Variants in SNX24 observed in about 807,000 individuals in gnomAD.
SNX24 encodes sorting nexin 24, also known as sorting nexin-24.
A neutral mutation model predicts 28.7 loss-of-function variants in SNX24; 22 were observed. The ratio of observed to expected loss-of-function variants is 0.77; its 90% confidence interval spans 0.55 to 1.10. SNX24 has a LOEUF of 1.10. Among genes scored for constraint, SNX24 ranks in the 50% least tolerant of loss-of-function variants. The pLI is 0.00. For synonymous variants in SNX24, 69 were observed against 71.5 expected (o/e 0.96, Z 0.18); for missense variants, 221 against 201.1 (o/e 1.10, Z -0.60).
Position 122,994,315 on chromosome 5 carries a change from G to A in SNX24, c.250-5597G>A, listed in dbSNP as rs954274015. Among the ~76,000 whole-genome samples the A allele has an allele frequency of 9.8e-5, 15 of 152,286 alleles. No homozygotes were observed. In the South Asian group the frequency reaches 2.1e-3, roughly 21 times the overall value. Reference sequence around the variant, plus strand: ...TGACAATTTTCTAAAATGGAAACTCGTGGGAAATCATTACAGTGTTTATAT... The same window carrying A: ...TGACAATTTTCTAAAATGGAAACTCATGGGAAATCATTACAGTGTTTATAT... On this transcript the variant is annotated intron_variant, in intron 3 of 6. Transcript: ENST00000261369.
intron 1 of SNX24, among the ~76,000 whole-genome samples, chr5:122,846,687 C>T (rs1023174284): frequency 6.6e-6 from 1 of 152,132 alleles, no homozygotes; most frequent in Admixed American, 6.5e-5. Context: ...AAATTACCCT[C>T]TCAAAGGAAG....
intron 5 of SNX24, among the ~76,000 whole-genome samples, chr5:123,015,797 C>T (rs949648381): frequency 4.6e-5 from 7 of 152,114 alleles, no homozygotes; most frequent in South Asian, 2.1e-4. Flanking sequence ...CTAGAAGGAG[C>T]GGGCACAAAA....
intron 3 of SNX24, among the ~76,000 whole-genome samples, chr5:122,993,424 C>G (rs62377422): frequency 6.6e-6 from 1 of 151,628 alleles, no homozygotes; most frequent in Admixed American, 6.6e-5. Flanking sequence ...TCAGCCTCCC[C>G]AGTAGCTGGG....
chr5:122,873,497 G>A (rs10066638), intron 1 of SNX24, among the ~76,000 whole-genome samples: 89,363 of 151,884 alleles, frequency 0.59, 27,146 homozygotes, highest in African/African-American at 0.74. Context: ...TGAAGAGAGG[G>A]CTGGCAGGGA....
chr5:123,008,903 G>A lies in SNX24; in HGVS notation c.*1154G>A, dbSNP rs1762502855. 8 of 984,510 alleles carry A rather than the reference G, an allele frequency of 8.1e-6. No individual in the cohort carries two copies. The highest frequency in any genetic ancestry group is 9.7e-6 in the Non-Finnish European group (8 of 828,750). 61.0% of individuals were successfully genotyped at this position (984,510 alleles called of 1,614,324 possible). A position where few individuals can be genotyped will look rare whatever the true frequency, so the allele number is the denominator to read the frequency against. ...GTGCTGTATGTGGGCATTTCATTGA[G>A]ATCTAATTAATAGCTAGCCTATTTA... On this transcript the variant is annotated 3_prime_UTR_variant, in exon 7 of 7. Transcript: ENST00000261369.
chr5:122,867,977 G>A (rs1030305921), intron 1 of SNX24, among the ~76,000 whole-genome samples: 1 of 152,200 alleles, frequency 6.6e-6, no homozygotes, highest in Non-Finnish European at 1.5e-5. Context: ...ACTGCTTGAA[G>A]TTCTGTCCAC....
chr5:122,893,135 C>A, intron 1 of SNX24, among the ~76,000 whole-genome samples: 1 of 151,162 alleles, frequency 6.6e-6, no homozygotes, highest in South Asian at 2.1e-4. Context: ...TCCTTACTCT[C>A]TTGTATTTCT....
intron 1 of SNX24, among the ~76,000 whole-genome samples, chr5:122,851,137 A>G (rs1754899635): frequency 6.6e-6 from 1 of 152,198 alleles, no homozygotes; most frequent in South Asian, 2.1e-4. Flanking sequence ...ATACAAAAGT[A>G]TGAATGTATT....
chr5:122,964,157 C>T lies in SNX24; in HGVS notation c.249+17998C>T, dbSNP rs539533331. Among the ~76,000 whole-genome samples the T allele has an allele frequency of 4.6e-4, 68 of 147,544 alleles. 1 individual carries two copies. The South Asian group carries it at 0.013, about 29-fold the overall frequency. The stretch of plus-strand genomic sequence containing the variant: ...ACTTGGGAGGCTGAGGCAGGAGAAT[C>T]GCTTGAACCCAGGAGGTGGAGGTTG... On this transcript the variant is annotated intron_variant, in intron 3 of 6. Coordinates refer to ENST00000261369, the MANE Select transcript of SNX24 (RefSeq NM_014035.4).
chr5:123,004,821 C>T (rs895096798), intron 6 of SNX24, among the ~76,000 whole-genome samples: 6 of 152,188 alleles, frequency 3.9e-5, no homozygotes, highest in African/African-American at 1.4e-4. Context: ...ACATTGAATG[C>T]CACGGCTTCA....
At chr5:122,917,255 C>CA (rs57417496) in intron 1 of SNX24, among the ~76,000 whole-genome samples, 1,503 of 79,428 alleles carry the variant, frequency 0.019, 27 homozygotes, top group African/African-American at 0.055. Context: ...GACTTCATCT[C>CA]AAAAAAAAAA....
At chr5:123,021,107 C>CA (rs1029152354) in intron 5 of SNX24, among the ~76,000 whole-genome samples, 3 of 150,388 alleles carry the variant, frequency 2.0e-5, no homozygotes, top group African/African-American at 7.3e-5. Flanking sequence ...ACACAGTTCC[C>CA]CCCCCGTCCC....
intron 3 of SNX24, among the ~76,000 whole-genome samples, chr5:122,994,973 T>C (rs963954035): frequency 2.0e-5 from 3 of 152,220 alleles, no homozygotes; most frequent in Non-Finnish European, 4.4e-5. Context: ...AACAGTTCTT[T>C]CATTTAACCC....
At chr5:123,006,013 A>C (rs1415707902) in intron 6 of SNX24, among the ~76,000 whole-genome samples, 1 of 152,228 alleles carries the variant, frequency 6.6e-6, no homozygotes, top group African/African-American at 2.4e-5. Flanking sequence ...TTTTTAAAAC[A>C]GCCTATAAGG....
In SNX24 at chr5:122,997,010, T is replaced by C. The variant is rs1762074033; in HGVS notation, c.250-2902T>C. Among the ~76,000 whole-genome samples, 3 of 152,194 alleles carry C rather than the reference T, an allele frequency of 2.0e-5. No homozygotes were observed. In the South Asian group the frequency reaches 6.2e-4, roughly 32 times the overall value. ...ACTGAAGAAGTTGTAAATGGAACAG[T>C]TGTGAGGTCCAGCCTTACTGTTCAG... On this transcript the variant is annotated intron_variant, in intron 3 of 6. Coordinates refer to ENST00000261369, the MANE Select transcript of SNX24 (RefSeq NM_014035.4).
chr5:122,925,089 C>T (rs1758623949), intron 1 of SNX24, among the ~76,000 whole-genome samples: 3 of 138,302 alleles, frequency 2.2e-5, no homozygotes, highest in Non-Finnish European at 3.1e-5. Flanking sequence ...CCTCTTCCCT[C>T]TCCTCCTTCC....
intron 1 of SNX24, among the ~76,000 whole-genome samples, chr5:122,877,243 G>A (rs578116346): frequency 2.6e-5 from 4 of 152,282 alleles, no homozygotes; most frequent in African/African-American, 7.2e-5. Context: ...GTATTTCTCC[G>A]ATCTGCATTA....
At chr5:122,977,935 G>A (rs1761237301) in intron 3 of SNX24, among the ~76,000 whole-genome samples, 1 of 152,098 alleles carries the variant, frequency 6.6e-6, no homozygotes, top group African/African-American at 2.4e-5. Flanking sequence ...TTTAGTCTCA[G>A]CCAAATATTT....
At chr5:122,929,563 C>T (rs1758856552) in intron 1 of SNX24, among the ~76,000 whole-genome samples, 1 of 152,240 alleles carries the variant, frequency 6.6e-6, no homozygotes. Flanking sequence ...TGCACCAAAT[C>T]ATAGTACATT....
Sources: gnomAD v4.1 joint callset for allele counts (sites outside exome capture counted in the v4.1 genomes callset) on GRCh38, gnomAD v4.1.1 for gene constraint, MANE v1.5 for transcripts, NCBI Gene and HGNC (gene_info 2026-07-23, HGNC 2026-07-21) for gene names.